CNTN5: variants seen among roughly 807,000 people sequenced by gnomAD.
CNTN5 encodes contactin 5.
A neutral mutation model predicts 129.1 loss-of-function variants in CNTN5; 77 were observed. That is an observed-to-expected ratio of 0.60 (90% CI 0.50 to 0.72). The LOEUF (loss-of-function observed/expected upper bound fraction) is 0.72. CNTN5 is among the 30% of genes least tolerant of loss of function. The pLI is 0.00. For missense variants in CNTN5, 1,478 were observed against 1,328.8 expected, an observed-to-expected ratio of 1.11 and a Z score of -1.75; for synonymous variants, 509 against 465.6, an observed-to-expected ratio of 1.09 and a Z score of -1.20.
At chr11:99,163,845 G>A (rs543820835) in intron 1 of CNTN5, among the ~76,000 whole-genome samples, 1 of 152,254 alleles carries the variant, frequency 6.6e-6, no homozygotes, top group South Asian at 2.1e-4. Flanking sequence ...TACTATTTGT[G>A]TAAGCAAGTA....
chr11:99,178,683 A>G (rs1258081713), intron 1 of CNTN5, among the ~76,000 whole-genome samples: 2 of 152,200 alleles, frequency 1.3e-5, no homozygotes, highest in Non-Finnish European at 2.9e-5. Flanking sequence ...AATTTAAATC[A>G]TATTAAAAAT....
chr11:100,077,720 A>C (rs1183501486), intron 13 of CNTN5, among the ~76,000 whole-genome samples: 2 of 151,940 alleles, frequency 1.3e-5, no homozygotes, highest in Non-Finnish European at 2.9e-5. Flanking sequence ...GTGTACGCCT[A>C]TAGTCCCAGC....
At chr11:99,370,568 A>G (rs1452239582) in intron 2 of CNTN5, among the ~76,000 whole-genome samples, 2 of 152,194 alleles carry the variant, frequency 1.3e-5, no homozygotes, top group African/African-American at 4.8e-5. Context: ...AAGTTACAAT[A>G]TCTTTGAAGT....
chr11:99,112,187 TTTTATTG>T (rs1381257199), intron 1 of CNTN5, among the ~76,000 whole-genome samples: 1 of 152,084 alleles, frequency 6.6e-6, no homozygotes, highest in Non-Finnish European at 1.5e-5. Context: ...CCACACTGAA[TTTTATTG>T]TTTATTTGGG....
At chr11:99,765,008 C>G (rs576457271) in intron 3 of CNTN5, among the ~76,000 whole-genome samples, 1 of 151,992 alleles carries the variant, frequency 6.6e-6, no homozygotes, top group Non-Finnish European at 1.5e-5. Context: ...ACAATTTTCT[C>G]TGAATTTTTC....
chr11:99,955,628 C>T (rs995379300), intron 7 of CNTN5, among the ~76,000 whole-genome samples: 2 of 152,084 alleles, frequency 1.3e-5, no homozygotes, highest in Admixed American at 6.5e-5. Flanking sequence ...GGCATGACCT[C>T]GGCTCACTGC....
intron 1 of CNTN5, among the ~76,000 whole-genome samples, chr11:99,169,758 C>T (rs1012171765): frequency 5.9e-5 from 9 of 151,976 alleles, no homozygotes; most frequent in South Asian, 2.1e-4. Flanking sequence ...TCACTTTAGT[C>T]GGTGAAAAAC....
At chr11:99,238,994 C>G (rs1333141145) in intron 1 of CNTN5, among the ~76,000 whole-genome samples, 2 of 151,748 alleles carry the variant, frequency 1.3e-5, no homozygotes, top group Admixed American at 1.3e-4. Flanking sequence ...CTTTTTGACT[C>G]TATGACTTTT....
intron 8 of CNTN5, among the ~76,000 whole-genome samples, chr11:99,975,213 GT>G (rs548558702): frequency 6.6e-6 from 1 of 152,256 alleles, no homozygotes; most frequent in East Asian, 1.9e-4. Context: ...GCGCTTTAAG[GT>G]TTAATGGGAG....
At chr11:99,648,994 C>CA (rs546307017) in intron 3 of CNTN5, among the ~76,000 whole-genome samples, 165 of 151,720 alleles carry the variant, frequency 1.1e-3, no homozygotes, top group Non-Finnish European at 1.6e-3. Flanking sequence ...TATTCTATAA[C>CA]ACTATGGCAT....
At chr11:99,769,591 C>T (rs1028310832) in intron 3 of CNTN5, among the ~76,000 whole-genome samples, 1 of 152,016 alleles carries the variant, frequency 6.6e-6, no homozygotes, top group South Asian at 2.1e-4. Flanking sequence ...ATGATACTCA[C>T]TTTGGGAGGC....
At chr11:99,420,795 T>C (rs1229100040) in intron 2 of CNTN5, among the ~76,000 whole-genome samples, 1 of 152,204 alleles carries the variant, frequency 6.6e-6, no homozygotes, top group Non-Finnish European at 1.5e-5. Context: ...AGACATTTTC[T>C]CTCTTGGGTT....
chr11:100,015,239 G>A (rs766975702), intron 9 of CNTN5, among the ~76,000 whole-genome samples: 11 of 152,114 alleles, frequency 7.2e-5, no homozygotes, highest in East Asian at 3.9e-4. Flanking sequence ...AGCTCAGTCC[G>A]TCTTAGTCTC....
In CNTN5 at chr11:99,344,220, C is replaced by A. The variant is rs1203160691; in HGVS notation, c.-71+18736C>A. 2.6e-5 allele frequency among the ~76,000 whole-genome samples: 4 copies of A among 152,256 alleles called. No individual in the cohort carries two copies. The South Asian group carries it at 8.3e-4, about 32-fold the overall frequency. On this transcript the variant is annotated intron_variant, in intron 2 of 24. Coordinates refer to ENST00000524871, the MANE Select transcript of CNTN5 (RefSeq NM_014361.4). ...TGTCCACCGATAGATCGATAACTTG[C>A]TGATAAGTAAAATTAAGGATCTGTA...
chr11:100,232,945 A>G (rs1425927126), intron 16 of CNTN5, among the ~76,000 whole-genome samples: 1 of 152,184 alleles, frequency 6.6e-6, no homozygotes, highest in African/African-American at 2.4e-5. Flanking sequence ...TTAGCATATC[A>G]CATAAAAACA....
At chr11:99,819,313 TCCTCCCCTCCCCTCCCCTCCCCTCC>T (rs1946700121) in intron 3 of CNTN5, among the ~76,000 whole-genome samples, 1 of 18,062 alleles carries the variant, frequency 5.5e-5, no homozygotes, top group Non-Finnish European at 1.1e-4. Context: ...CCCTCCCCTC[TCCTCCCCTCCCCTCCCCTCCCCTCC>T]TTTCCTTAAT....
chr11:99,287,093 AT>A, intron 1 of CNTN5, among the ~76,000 whole-genome samples: 1 of 152,134 alleles, frequency 6.6e-6, no homozygotes, highest in African/African-American at 2.4e-5. Flanking sequence ...AAAGGCTGTC[AT>A]GTGGAAAAGA....
At chr11:99,238,268 A>G (rs779576583) in intron 1 of CNTN5, among the ~76,000 whole-genome samples, 2 of 152,214 alleles carry the variant, frequency 1.3e-5, no homozygotes, top group South Asian at 2.1e-4. Context: ...CTTAATGCCT[A>G]TAATGGAGTT....
chr11:99,397,460 C>T (rs948705059), intron 2 of CNTN5, among the ~76,000 whole-genome samples: 10 of 151,778 alleles, frequency 6.6e-5, no homozygotes, highest in Non-Finnish European at 1.3e-4. Context: ...AGCATATCTA[C>T]ACATAAATTA....
Sources: gnomAD v4.1 joint callset for allele counts (sites outside exome capture counted in the v4.1 genomes callset) on GRCh38, gnomAD v4.1.1 for gene constraint, MANE v1.5 for transcripts, NCBI Gene and HGNC (gene_info 2026-07-23, HGNC 2026-07-21) for gene names.